The following ROBO2 variants were observed in gnomAD, a reference collection of about 807,000 sequenced individuals.
ROBO2 encodes roundabout homolog 2.
A neutral mutation model predicts 160.8 loss-of-function variants in ROBO2; 53 were observed. That is an observed-to-expected ratio of 0.33 (90% confidence interval 0.26 to 0.41). The LOEUF (loss-of-function observed/expected upper bound fraction) is 0.41, where lower values mean the gene tolerates loss of function less well. Among genes scored for constraint, ROBO2 ranks in the 10% least tolerant of loss-of-function variants. The probability of loss-of-function intolerance (pLI) is 1.00; values close to 1 mark genes in which losing one functional copy is unlikely to be tolerated. For synonymous variants in ROBO2, 664 were observed against 611.7 expected, an observed-to-expected ratio of 1.09 and a Z score of -1.26; for missense variants, 1,577 against 1,722.4, an observed-to-expected ratio of 0.92 and a Z score of 1.49.
At chr3:76,338,830 C>G (rs895554411) in intron 2 of ROBO2, among the ~76,000 whole-genome samples, 17 of 151,710 alleles carry the variant, frequency 1.1e-4, no homozygotes, top group African/African-American at 4.1e-4. Context: ...ACCACTGTGT[C>G]TTTCTAAAAT....
At chr3:76,490,948 GATTA>G (rs2079785716) in intron 2 of ROBO2, among the ~76,000 whole-genome samples, 1 of 146,322 alleles carries the variant, frequency 6.8e-6, no homozygotes, top group Admixed American at 6.9e-5. Context: ...CCTCAATGAA[GATTA>G]ATTTTGTTTT....
intron 1 of ROBO2, among the ~76,000 whole-genome samples, chr3:75,931,259 T>C (rs1361260983): frequency 6.6e-6 from 1 of 152,250 alleles, no homozygotes; most frequent in Non-Finnish European, 1.5e-5. Flanking sequence ...CTGTATTGTA[T>C]GAAAAGCTAA....
chr3:76,504,949 T>C (rs1216246064), intron 2 of ROBO2, among the ~76,000 whole-genome samples: 1 of 152,182 alleles, frequency 6.6e-6, no homozygotes, highest in Admixed American at 6.5e-5. Context: ...ATCATTGGCT[T>C]AGAAGATGGA....
At chr3:76,289,083 A>G (rs193016998) in intron 2 of ROBO2, among the ~76,000 whole-genome samples, 1 of 152,296 alleles carries the variant, frequency 6.6e-6, no homozygotes, top group African/African-American at 2.4e-5. Flanking sequence ...TGCTTCCCAC[A>G]CTGGCTGGAT....
chr3:76,307,005 A>G (rs1442131579), intron 2 of ROBO2, among the ~76,000 whole-genome samples: 2 of 152,152 alleles, frequency 1.3e-5, no homozygotes, highest in African/African-American at 2.4e-5. Context: ...TTGACCCCCT[A>G]CCATTGAAGA....
At chr3:77,482,543 C>A (rs1470570) in intron 4 of ROBO2, among the ~76,000 whole-genome samples, 79,334 of 151,978 alleles carry the variant, frequency 0.52, 21,056 homozygotes, top group Admixed American at 0.63. Context: ...CTTGAAGTCC[C>A]AAATGACAAA....
At chr3:77,630,871 T>C (rs1158130065) in intron 23 of ROBO2, 1 of 151,638 alleles carries the variant, frequency 6.6e-6, no homozygotes. Flanking sequence ...GGGAAGGGAC[T>C]GGGAGTGAAC....
chr3:76,113,526 A>C (rs1478985827), intron 2 of ROBO2, among the ~76,000 whole-genome samples: 1 of 152,094 alleles, frequency 6.6e-6, no homozygotes, highest in Non-Finnish European at 1.5e-5. Flanking sequence ...TCATCTGCAA[A>C]ATTATGTCAT....
intron 2 of ROBO2, among the ~76,000 whole-genome samples, chr3:76,360,949 C>T (rs1183238433): frequency 1.3e-5 from 2 of 151,746 alleles, no homozygotes; most frequent in Non-Finnish European, 2.9e-5. Flanking sequence ...CATATCAGGT[C>T]TTACCTATTT....
At chr3:77,114,142 C>G (rs1472564109) in intron 2 of ROBO2, among the ~76,000 whole-genome samples, 1 of 152,152 alleles carries the variant, frequency 6.6e-6, no homozygotes, top group Non-Finnish European at 1.5e-5. Context: ...TGGGGCAAAC[C>G]TTTTACCTTC....
At chr3:77,191,376 C>T (rs2150943906) in intron 2 of ROBO2, among the ~76,000 whole-genome samples, 1 of 152,122 alleles carries the variant, frequency 6.6e-6, no homozygotes, top group Middle Eastern at 3.4e-3. Context: ...TGCTCAGGGA[C>T]TCGGTGATAG....
rs142489939 is a variant in ROBO2, at chr3:75,992,477, C to A, written c.109+54875C>A. Among the ~76,000 whole-genome samples, 621 of 152,270 alleles carry A rather than the reference C, an allele frequency of 4.1e-3. 2 individuals are homozygous for A. Among genetic ancestry groups the A allele is most frequent in the African/African-American group, 0.013 (550 of 41,566 alleles). Reference sequence around the variant, plus strand: ...TCAAGAGTTGAGGTGGGGGAACCTCCTTCTAGATTTCAGAGGATGTATGAA... The same window carrying A: ...TCAAGAGTTGAGGTGGGGGAACCTCATTCTAGATTTCAGAGGATGTATGAA... On this transcript the variant is annotated intron_variant, in intron 2 of 26. Transcript: ENST00000487694.
intron 1 of ROBO2, among the ~76,000 whole-genome samples, chr3:77,049,154 C>A (rs552615452): frequency 5.9e-5 from 9 of 152,142 alleles, no homozygotes; most frequent in Non-Finnish European, 8.8e-5. Flanking sequence ...CATAGTGAAA[C>A]CCTGTCTCTA....
At chr3:76,668,984 C>G (rs2092159843) in intron 2 of ROBO2, among the ~76,000 whole-genome samples, 1 of 152,094 alleles carries the variant, frequency 6.6e-6, no homozygotes, top group Admixed American at 6.6e-5. Flanking sequence ...AGAAGGCAAA[C>G]TTGACATGAG....
At chr3:77,614,374 T>G (rs1459991788) in intron 21 of ROBO2, among the ~76,000 whole-genome samples, 1 of 152,220 alleles carries the variant, frequency 6.6e-6, no homozygotes, top group Non-Finnish European at 1.5e-5. Context: ...AAATTCAGAT[T>G]AGCACTCATT....
chr3:77,508,599 T>G (rs1255016192), intron 5 of ROBO2, among the ~76,000 whole-genome samples: 1 of 151,732 alleles, frequency 6.6e-6, no homozygotes, highest in Non-Finnish European at 1.5e-5. Context: ...TAGTGATAGG[T>G]CAGTGCACTA....
At chr3:76,357,852 A>G (rs1419133974) in intron 2 of ROBO2, among the ~76,000 whole-genome samples, 2 of 150,676 alleles carry the variant, frequency 1.3e-5, no homozygotes, top group African/African-American at 4.9e-5. Flanking sequence ...TAGAAACATC[A>G]AACCAAATCA....
chr3:77,305,140 C>T (rs897854512), intron 2 of ROBO2, among the ~76,000 whole-genome samples: 2 of 152,158 alleles, frequency 1.3e-5, no homozygotes, highest in Middle Eastern at 3.4e-3. Context: ...AAGCAGAAGA[C>T]GATTTTTCTT....
chr3:76,692,927 T>C (rs1429272504), intron 2 of ROBO2, among the ~76,000 whole-genome samples: 1 of 151,604 alleles, frequency 6.6e-6, no homozygotes, highest in East Asian at 1.9e-4. Flanking sequence ...TGTATCTATA[T>C]ATAGTGTGTA....
Sources: gnomAD v4.1 joint callset for allele counts (sites outside exome capture counted in the v4.1 genomes callset) on GRCh38, gnomAD v4.1.1 for gene constraint, MANE v1.5 for transcripts, NCBI Gene and HGNC (gene_info 2026-07-23, HGNC 2026-07-21) for gene names.